Variants in EXT1 observed in about 807,000 individuals in gnomAD.
EXT1 encodes exostosin-1.
A neutral mutation model predicts 82.5 loss-of-function variants in EXT1; 20 were observed. The ratio of observed to expected loss-of-function variants is 0.24; its 90% CI spans 0.17 to 0.35. The LOEUF (loss-of-function observed/expected upper bound fraction) is 0.35, where lower values mean the gene tolerates loss of function less well. Ranked by LOEUF, EXT1 falls within the 10% of genes least tolerant of loss-of-function variation. EXT1 has a pLI of 1.00. For missense variants in EXT1, 757 were observed against 936.5 expected, an observed-to-expected ratio of 0.81 and a Z score of 2.50; for synonymous variants, 348 against 350.8, an observed-to-expected ratio of 0.99 and a Z score of 0.09.
At chr8:117,961,593 G>T (rs1418092061) in intron 1 of EXT1, among the ~76,000 whole-genome samples, 1 of 152,092 alleles carries the variant, frequency 6.6e-6, no homozygotes, top group Non-Finnish European at 1.5e-5. Flanking sequence ...TATTCTAATT[G>T]GATGCAATTT....
intron 1 of EXT1, among the ~76,000 whole-genome samples, chr8:118,048,882 C>T (rs9649944): frequency 0.51 from 77,912 of 151,952 alleles, 21,247 homozygotes; most frequent in African/African-American, 0.7. Context: ...TGAATATTAT[C>T]TATCCAATGG....
At position 118,002,367 on chromosome 8, in the gene EXT1, G is replaced by A. The variant is rs569403779; in HGVS notation, c.962+107718C>T. 9.8e-4 allele frequency among the ~76,000 whole-genome samples: 132 copies of A among 135,032 alleles called. 1 individual carries two copies. Among genetic ancestry groups the A allele is most frequent in the Non-Finnish European group, 1.6e-3 (104 of 65,232 alleles). 88.6% of individuals were successfully genotyped at this position (135,032 alleles called of 152,430 possible). On this transcript the variant is annotated intron_variant, in intron 1 of 10. Transcript: ENST00000378204. ...TTGCACTCTAGCCTGGGCGACAGACGGCGACTCCGTCTCCAAAAAAAAAAA... is the reference window on the plus strand; with the variant it reads ...TTGCACTCTAGCCTGGGCGACAGACAGCGACTCCGTCTCCAAAAAAAAAAA...
At chr8:118,027,526 A>C (rs745921172) in intron 1 of EXT1, among the ~76,000 whole-genome samples, 50 of 152,144 alleles carry the variant, frequency 3.3e-4, no homozygotes, top group Non-Finnish European at 5.6e-4. Context: ...CTCTCTCTAC[A>C]AGTGCTTGCT....
chr8:117,997,245 C>CTATATATATATATATA (rs67974546), intron 1 of EXT1, among the ~76,000 whole-genome samples: 1 of 136,256 alleles, frequency 7.3e-6, no homozygotes, highest in African/African-American at 2.7e-5. Context: ...AGTTGTCATA[C>CTATATATATATATATA]TATATATATA....
chr8:118,031,572 A>G (rs954478516), intron 1 of EXT1, among the ~76,000 whole-genome samples: 2 of 152,086 alleles, frequency 1.3e-5, no homozygotes, highest in African/African-American at 4.8e-5. Flanking sequence ...AATCTTACTT[A>G]AAGTCAGTGA....
intron 1 of EXT1, among the ~76,000 whole-genome samples, chr8:118,103,440 C>CT (rs1817758372): frequency 6.6e-6 from 1 of 152,218 alleles, no homozygotes; most frequent in South Asian, 2.1e-4. Flanking sequence ...GCATGAGCCA[C>CT]TGTGCTCAGC....
chr8:117,888,108 T>A (rs1027622153), intron 1 of EXT1, among the ~76,000 whole-genome samples: 4 of 150,382 alleles, frequency 2.7e-5, no homozygotes, highest in South Asian at 2.1e-4. Flanking sequence ...ATAATAATAA[T>A]TAATAATAAA....
chr8:117,809,218 A>AATATATATATATATATATAT lies in EXT1; in HGVS notation c.1723-1861_1723-1842dup, dbSNP rs71307404. ...GTATATATATGTGTGTGTGTGTATA[A>AATATATATATATATATATAT]ATATATATATATATATATATATATA... On this transcript the variant is annotated intron_variant, in intron 8 of 10. Coordinates refer to ENST00000378204, the MANE Select transcript of EXT1 (RefSeq NM_000127.3). 2.9e-3 allele frequency among the ~76,000 whole-genome samples: 317 copies of AATATATATATATATATATAT among 107,832 alleles called. 3 individuals are homozygous for AATATATATATATATATATAT. Among genetic ancestry groups the AATATATATATATATATATAT allele is most frequent in the Non-Finnish European group, 4.0e-3 (208 of 51,804 alleles). 70.7% of individuals were successfully genotyped at this position (107,832 alleles called of 152,430 possible). A position where few individuals can be genotyped will look rare whatever the true frequency, so the allele number is the denominator to read the frequency against.
In EXT1 at chr8:117,816,063, A is replaced by G. The variant is rs1345243431; in HGVS notation, c.1632+2372T>C. On this transcript the variant is annotated intron_variant, in intron 7 of 10. Transcript: ENST00000378204. ...AGAAATGTACACAAATAATTATATA[A>G]AACACAATAATAGTTAAGATTTATT... 4.6e-5 allele frequency among the ~76,000 whole-genome samples: 7 copies of G among 152,152 alleles called. 1 individual carries two copies. The highest frequency in any genetic ancestry group is 1.7e-4 in the African/African-American group (7 of 41,430).
rs764093488 is a variant in EXT1, at chr8:118,110,981, A to G, written c.66T>C (p.Tyr22=). ...ATGCCCTAAACTGCAAGCCTCCGAA[A>G]TAAAACAAAAGGGCGAGACAAGAGC... The part of the protein sequence containing the change: ...SAGSCLALLF[Y]FGGLQFRASR... The change falls in exon 1 of 11, where the codon TAT becomes TAC. Residue 22 remains tyrosine, a synonymous_variant. Transcript: ENST00000378204. 2.5e-5 allele frequency: 41 copies of G among 1,610,122 alleles called. No individual in the cohort carries two copies. In the East Asian group the frequency reaches 8.9e-4, roughly 35 times the overall value.
chr8:117,992,724 C>G (rs1815460874), intron 1 of EXT1, among the ~76,000 whole-genome samples: 1 of 152,174 alleles, frequency 6.6e-6, no homozygotes, highest in Non-Finnish European at 1.5e-5. Flanking sequence ...GATAACCACT[C>G]AAAGGGAGGC....
At chr8:117,817,357 G>C (rs148480306) in intron 7 of EXT1, among the ~76,000 whole-genome samples, 9 of 152,240 alleles carry the variant, frequency 5.9e-5, no homozygotes, top group Non-Finnish European at 1.3e-4. Context: ...CTAATAAACT[G>C]ATTTTGTCAT....
intron 1 of EXT1, among the ~76,000 whole-genome samples, chr8:117,882,329 C>T (rs1256888857): frequency 2.6e-5 from 4 of 152,244 alleles, no homozygotes; most frequent in East Asian, 1.9e-4. Context: ...GTGATCCGCC[C>T]GCCTTGGCCT....
intron 1 of EXT1, among the ~76,000 whole-genome samples, chr8:118,011,546 T>C (rs1397525689): frequency 1.3e-5 from 2 of 152,198 alleles, no homozygotes; most frequent in Admixed American, 6.5e-5. Context: ...AGTCACTTAA[T>C]TTCTAGGACT....
intron 1 of EXT1, among the ~76,000 whole-genome samples, chr8:117,923,357 G>A (rs1813892299): frequency 6.6e-6 from 1 of 151,730 alleles, no homozygotes; most frequent in South Asian, 2.1e-4. Flanking sequence ...CAGTGAGCAG[G>A]GGGATGTGGG....
At chr8:117,888,933 C>T (rs946495787) in intron 1 of EXT1, among the ~76,000 whole-genome samples, 5 of 152,174 alleles carry the variant, frequency 3.3e-5, no homozygotes, top group African/African-American at 9.7e-5. Flanking sequence ...CAATCTTTCT[C>T]GCTGATGCAA....
At chr8:118,044,362 T>C (rs1030414408) in intron 1 of EXT1, among the ~76,000 whole-genome samples, 5 of 151,912 alleles carry the variant, frequency 3.3e-5, no homozygotes, top group Non-Finnish European at 7.4e-5. Context: ...TCAGAAAACC[T>C]AGACCTGTGG....
In EXT1 at chr8:118,110,751, C is replaced by A. The variant is rs778849200; in HGVS notation, c.296G>T (p.Arg99Leu). The A allele has an allele frequency of 1.9e-6, 3 of 1,614,054 alleles. No individual in the cohort carries two copies. The highest frequency in any genetic ancestry group is 2.5e-6 in the Non-Finnish European group (3 of 1,180,060). Reference sequence around the variant, plus strand: ...GGTGAAATCGAAGCAGGACTCCATGCGGCACTTCTTGCCTTTGTAGATGCT... The same window carrying A: ...GGTGAAATCGAAGCAGGACTCCATGAGGCACTTCTTGCCTTTGTAGATGCT... Reference protein sequence around the residue: ...NSSIYKGKKCRMESCFDFTLC... With the variant: ...NSSIYKGKKCLMESCFDFTLC... Residue 99 changes from arginine (R) to leucine (L), a missense_variant, in exon 1 of 11, where the codon CGC (arginine) becomes CTC (leucine). This residue lies in a region of EXT1 where 175 missense variants were observed against 159.0 expected (regional missense o/e 1.10). Transcript: ENST00000378204.
chr8:117,858,481 G>GGCCA (rs1812606748), intron 1 of EXT1, among the ~76,000 whole-genome samples: 2 of 151,964 alleles, frequency 1.3e-5, no homozygotes, highest in Admixed American at 1.3e-4. Flanking sequence ...AGATCAGCCT[G>GGCCA]GCCAGCATGG....
Sources: allele counts gnomAD v4.1 joint callset (sites outside exome capture counted in the v4.1 genomes callset), GRCh38; gene constraint gnomAD v4.1.1; regional missense constraint gnomAD v4.1.1; transcripts MANE v1.5; gene names NCBI Gene and HGNC (gene_info 2026-07-23, HGNC 2026-07-21).